ZBTB16: variants seen among roughly 807,000 people sequenced by gnomAD.
The protein encoded by ZBTB16 is zinc finger and BTB domain-containing protein 16.
In ZBTB16, 8 loss-of-function variants were observed where a neutral mutation model predicts 56.8. The ratio of observed to expected loss-of-function variants is 0.14; its 90% CI spans 0.08 to 0.25. ZBTB16 has a LOEUF of 0.25. Ranked by LOEUF, ZBTB16 falls within the 10% of genes least tolerant of loss-of-function variation. The pLI is 1.00. For missense variants in ZBTB16, 625 were observed against 903.0 expected (o/e 0.69, Z 3.95); for synonymous variants, 363 against 368.5 (o/e 0.98, Z 0.17).
Position 114,155,245 on chromosome 11 carries a change from G to A in ZBTB16, c.1269-1092G>A, listed in dbSNP as rs527493184. Among the ~76,000 whole-genome samples, 392 of 152,372 alleles carry A rather than the reference G, an allele frequency of 2.6e-3. 3 individuals are homozygous for A. Among genetic ancestry groups the A allele is most frequent in the African/African-American group, 8.6e-3 (357 of 41,594 alleles). On this transcript the variant is annotated intron_variant, in intron 2 of 6. Coordinates refer to ENST00000335953, the MANE Select transcript of ZBTB16 (RefSeq NM_006006.6). Reference sequence around the variant, plus strand: ...CCTGAGGGCCAAGGCCCCTGGGGACGTTGCAGGGATGGCGCAGAGACTGGG... The same window carrying A: ...CCTGAGGGCCAAGGCCCCTGGGGACATTGCAGGGATGGCGCAGAGACTGGG...
intron 2 of ZBTB16, among the ~76,000 whole-genome samples, chr11:114,146,032 C>A (rs1194792196): frequency 1.3e-5 from 2 of 152,074 alleles, no homozygotes; most frequent in African/African-American, 4.8e-5. Flanking sequence ...GACAACCTAC[C>A]TAGAAGGGCT....
intron 3 of ZBTB16, among the ~76,000 whole-genome samples, chr11:114,183,405 C>T (rs1274326322): frequency 1.3e-5 from 2 of 152,184 alleles, no homozygotes; most frequent in African/African-American, 2.4e-5. Context: ...GGTACACATC[C>T]GGCCCTTTAT....
intron 2 of ZBTB16, among the ~76,000 whole-genome samples, chr11:114,090,449 G>A (rs756639309): frequency 2.0e-5 from 3 of 152,190 alleles, no homozygotes; most frequent in Non-Finnish European, 4.4e-5. Context: ...TGGCAAGCAG[G>A]GTAGGGATGC....
At chr11:114,146,239 T>C (rs1942097137) in intron 2 of ZBTB16, among the ~76,000 whole-genome samples, 1 of 152,052 alleles carries the variant, frequency 6.6e-6, no homozygotes, top group African/African-American at 2.4e-5. Flanking sequence ...GGCCTCTCTG[T>C]TCTTGCTTCT....
chr11:114,153,197 C>T (rs1444543946), intron 2 of ZBTB16, among the ~76,000 whole-genome samples: 1 of 152,154 alleles, frequency 6.6e-6, no homozygotes, highest in African/African-American at 2.4e-5. Context: ...CACATTCTTC[C>T]TTTGGTAGAT....
chr11:114,212,854 G>A (rs1944023698), intron 4 of ZBTB16, among the ~76,000 whole-genome samples: 1 of 152,038 alleles, frequency 6.6e-6, no homozygotes, highest in Non-Finnish European at 1.5e-5. Context: ...TGTGCCGGAG[G>A]AATTGCTGTG....
intron 2 of ZBTB16, among the ~76,000 whole-genome samples, chr11:114,104,776 T>C (rs2137762952): frequency 6.6e-6 from 1 of 152,362 alleles, no homozygotes; most frequent in Middle Eastern, 3.4e-3. Flanking sequence ...AAACCATCTG[T>C]TAAATGGACA....
At chr11:114,218,694 G>C (rs1944162872) in intron 4 of ZBTB16, among the ~76,000 whole-genome samples, 1 of 152,140 alleles carries the variant, frequency 6.6e-6, no homozygotes, top group Admixed American at 6.5e-5. Context: ...TCTGTCAACT[G>C]CTTGTTTCTT....
chr11:114,111,156 C>CGTGTGTGTGTGTGTGT lies in ZBTB16; in HGVS notation c.1269-45171_1269-45156dup, dbSNP rs4020003. 1.2e-3 allele frequency among the ~76,000 whole-genome samples: 178 copies of CGTGTGTGTGTGTGTGT among 148,964 alleles called. 1 individual carries two copies. The highest frequency in any genetic ancestry group is 7.3e-4 in the Non-Finnish European group (49 of 67,086). ...ACTTTTGGCTTAGAGATCTGTGCTG[C>CGTGTGTGTGTGTGTGT]GTGTGTGTGTGTGTGTGTGTGTGTG... On this transcript the variant is annotated intron_variant, in intron 2 of 6. Transcript: ENST00000335953.
intron 4 of ZBTB16, among the ~76,000 whole-genome samples, chr11:114,239,455 G>A (rs929996132): frequency 1.3e-5 from 2 of 152,168 alleles, no homozygotes; most frequent in Non-Finnish European, 1.5e-5. Flanking sequence ...TCAAGTTGAA[G>A]GAGTGGGGGC....
chr11:114,128,910 A>G (rs1941588611), intron 2 of ZBTB16, among the ~76,000 whole-genome samples: 2 of 152,178 alleles, frequency 1.3e-5, no homozygotes, highest in Admixed American at 6.5e-5. Flanking sequence ...CAAGACCCCA[A>G]ATAGAGTTTG....
At chr11:114,099,962 A>G (rs967185536) in intron 2 of ZBTB16, among the ~76,000 whole-genome samples, 9 of 152,134 alleles carry the variant, frequency 5.9e-5, no homozygotes, top group African/African-American at 2.2e-4. Context: ...GTGTCCTCTG[A>G]CGTCTAGTGG....
intron 2 of ZBTB16, among the ~76,000 whole-genome samples, chr11:114,102,257 G>T (rs1335147185): frequency 2.6e-5 from 4 of 152,172 alleles, no homozygotes; most frequent in Non-Finnish European, 5.9e-5. Context: ...CTTTAGGAAG[G>T]CTTTCTTATC....
In ZBTB16 at chr11:114,064,433, G is replaced by T. The variant is rs745408754; in HGVS notation, c.1133G>T (p.Gly378Val). The T allele has an allele frequency of 1.2e-6, 2 of 1,614,098 alleles. No homozygotes were observed. Among genetic ancestry groups the T allele is most frequent in the South Asian group, 2.2e-5 (2 of 91,086 alleles). ...FSTYGGLLPQ[G>V]FIQRELFSKL... is the part of the protein sequence containing the mutation. ...ACCTATGGGGGGCTGCTGCCCCAGG[G>T]CTTCATCCAGAGGGAGCTGTTCAGC... is the stretch of plus-strand genomic sequence containing the variant. The change falls in exon 2 of 7, where the codon GGC becomes GTC. Residue 378 changes from glycine to valine, a missense_variant. By Grantham distance (109) the Gly-to-Val change is moderately radical. Around this residue, in one of 6 missense-constraint regions of ZBTB16, gnomAD observed 384 missense variants for 393.5 expected, o/e 0.98. Coordinates refer to ENST00000335953, the MANE Select transcript of ZBTB16 (RefSeq NM_006006.6). The surrounding 1 kb of genome is among the most constrained non-coding windows in gnomAD (Gnocchi z 4.2).
At chr11:114,196,501 C>G (rs1227337830) in intron 4 of ZBTB16, among the ~76,000 whole-genome samples, 1 of 152,174 alleles carries the variant, frequency 6.6e-6, no homozygotes, top group African/African-American at 2.4e-5. Context: ...TAGACTTACC[C>G]TGGAGGAATT....
chr11:114,163,701 C>T (rs1171014412), intron 3 of ZBTB16, among the ~76,000 whole-genome samples: 1 of 152,114 alleles, frequency 6.6e-6, no homozygotes. Flanking sequence ...TTCACATGTC[C>T]CTGCCCCCAA....
At chr11:114,182,283 C>G (rs1244931199) in intron 3 of ZBTB16, among the ~76,000 whole-genome samples, 1 of 152,194 alleles carries the variant, frequency 6.6e-6, no homozygotes, top group East Asian at 1.9e-4. Flanking sequence ...CTCCTGAGCT[C>G]AAGTGATCTA....
At chr11:114,156,840 C>T (rs530603823) in intron 3 of ZBTB16, among the ~76,000 whole-genome samples, 2 of 152,314 alleles carry the variant, frequency 1.3e-5, no homozygotes, top group African/African-American at 4.8e-5. Flanking sequence ...CTGGTTATAG[C>T]GTGCTGTCTT....
chr11:114,207,466 C>T (rs1345305475), intron 4 of ZBTB16, among the ~76,000 whole-genome samples: 1 of 152,058 alleles, frequency 6.6e-6, no homozygotes, highest in Admixed American at 6.6e-5. Context: ...TTTGTCACCC[C>T]CTATGATGCG....
Sources: allele counts gnomAD v4.1 joint callset (sites outside exome capture counted in the v4.1 genomes callset), GRCh38; gene constraint gnomAD v4.1.1; regional missense constraint gnomAD v4.1.1; non-coding constraint Gnocchi (gnomAD v3.1); transcripts MANE v1.5; gene names NCBI Gene and HGNC (gene_info 2026-07-23, HGNC 2026-07-21).